Variants in NEGR1 observed in about 807,000 individuals in gnomAD.
NEGR1 encodes the protein neuronal growth regulator 1, also known as IgLON family member 4.
In NEGR1, 10 loss-of-function variants were observed where a neutral mutation model predicts 40.9. The ratio of observed to expected loss-of-function variants is 0.24; its 90% CI spans 0.15 to 0.42. NEGR1 has a LOEUF of 0.42. NEGR1 is among the 10% of genes least tolerant of loss of function. The probability of loss-of-function intolerance (pLI) is 1.00; values close to 1 mark genes in which losing one functional copy is unlikely to be tolerated. For missense variants in NEGR1, 352 were observed against 438.9 expected (o/e 0.80, Z 1.77); for synonymous variants, 185 against 166.8 (o/e 1.11, Z -0.84).
At chr1:71,959,554 G>A (rs1485958749) in intron 1 of NEGR1, among the ~76,000 whole-genome samples, 4 of 151,866 alleles carry the variant, frequency 2.6e-5, no homozygotes, top group African/African-American at 9.7e-5. Flanking sequence ...GACATACTAG[G>A]TATAATTTTC....
At chr1:71,973,101 T>C (rs896639437) in intron 1 of NEGR1, among the ~76,000 whole-genome samples, 2 of 152,040 alleles carry the variant, frequency 1.3e-5, no homozygotes, top group African/African-American at 2.4e-5. Context: ...ATTTTAATTA[T>C]ACTAATTAAT....
At chr1:71,932,527 T>C (rs1007145405) in intron 2 of NEGR1, among the ~76,000 whole-genome samples, 92 of 152,218 alleles carry the variant, frequency 6.0e-4, no homozygotes, top group African/African-American at 2.2e-3. Flanking sequence ...AAGAAATCAA[T>C]AGCACTAATA....
chr1:71,710,472 A>G (rs1654042548), intron 3 of NEGR1, among the ~76,000 whole-genome samples: 1 of 152,224 alleles, frequency 6.6e-6, no homozygotes. Context: ...TTGGAAGCAA[A>G]CTAAGTGTCC....
intron 1 of NEGR1, among the ~76,000 whole-genome samples, chr1:72,062,393 A>G (rs1306095288): frequency 6.6e-6 from 1 of 151,942 alleles, no homozygotes; most frequent in Non-Finnish European, 1.5e-5. Flanking sequence ...CACACACAAT[A>G]TTAGCAATAT....
intron 4 of NEGR1, among the ~76,000 whole-genome samples, chr1:71,625,037 A>G (rs988231813): frequency 6.6e-6 from 1 of 152,036 alleles, no homozygotes; most frequent in African/African-American, 2.4e-5. Context: ...TTTAAAGAAT[A>G]AAGTAATCAT....
intron 1 of NEGR1, among the ~76,000 whole-genome samples, chr1:72,268,583 T>C (rs866733026): frequency 2.4e-4 from 37 of 151,330 alleles, no homozygotes; most frequent in African/African-American, 7.0e-4. Context: ...AATGCTGAAA[T>C]TGGGTGAATG....
chr1:71,401,048 G>A lies in NEGR1; in HGVS notation c.*6398C>T, dbSNP rs1393985038. The A allele has an allele frequency of 1.3e-5, 2 of 152,054 alleles. No individual in the cohort carries two copies. The highest frequency in any genetic ancestry group is 4.8e-5 in the African/African-American group (2 of 41,428). The allele number at this position is 152,054 out of a possible 1,614,324, so 9.4% of individuals were successfully genotyped here. A position where few individuals can be genotyped will look rare whatever the true frequency, so the allele number is the denominator to read the frequency against. On this transcript the variant is annotated 3_prime_UTR_variant, in exon 7 of 7. Coordinates refer to ENST00000357731, the MANE Select transcript of NEGR1 (RefSeq NM_173808.3). ...ACTCTGAAAAAGAAAAAAAAATTAT[G>A]TCTCTTCATTGCAGAGAAGAATTTT...
intron 1 of NEGR1, among the ~76,000 whole-genome samples, chr1:72,197,762 A>T (rs1441953989): frequency 6.6e-6 from 1 of 152,080 alleles, no homozygotes; most frequent in Non-Finnish European, 1.5e-5. Flanking sequence ...GACCCTAGCA[A>T]AGGAATAAAT....
intron 5 of NEGR1, among the ~76,000 whole-genome samples, chr1:71,597,482 G>C (rs1369236488): frequency 7.4e-6 from 1 of 135,670 alleles, no homozygotes; most frequent in African/African-American, 2.9e-5. Context: ...CTGTGTGTGT[G>C]TGTGTGTGTG....
intron 1 of NEGR1, among the ~76,000 whole-genome samples, chr1:72,249,803 A>T (rs1008568523): frequency 6.6e-6 from 1 of 152,170 alleles, no homozygotes; most frequent in East Asian, 1.9e-4. Flanking sequence ...TAATACACAT[A>T]TTGCCTGGAA....
chr1:72,242,784 G>A (rs1654787892), intron 1 of NEGR1, among the ~76,000 whole-genome samples: 1 of 151,520 alleles, frequency 6.6e-6, no homozygotes, highest in African/African-American at 2.4e-5. Context: ...AGTACAGATG[G>A]CTTAATCATA....
At chr1:71,608,464 G>T (rs1229865806) in intron 5 of NEGR1, among the ~76,000 whole-genome samples, 1 of 148,672 alleles carries the variant, frequency 6.7e-6, no homozygotes, top group South Asian at 2.1e-4. Context: ...ATTTACTATA[G>T]GCCAAGAAAG....
intron 6 of NEGR1, among the ~76,000 whole-genome samples, chr1:71,472,289 C>T (rs17091252): frequency 6.6e-6 from 1 of 152,054 alleles, no homozygotes; most frequent in Non-Finnish European, 1.5e-5. Context: ...GACTGGCTAT[C>T]ATTTTTTCCT....
At chr1:72,209,639 T>C (rs1039113478) in intron 1 of NEGR1, among the ~76,000 whole-genome samples, 10 of 151,918 alleles carry the variant, frequency 6.6e-5, no homozygotes, top group Non-Finnish European at 1.0e-4. Flanking sequence ...ATTTCTATGA[T>C]AATTATATGT....
intron 4 of NEGR1, among the ~76,000 whole-genome samples, chr1:71,617,901 A>G (rs1650496184): frequency 6.6e-6 from 1 of 152,178 alleles, no homozygotes; most frequent in Non-Finnish European, 1.5e-5. Flanking sequence ...TTTTAGAAAC[A>G]CAGTCACCAA....
chr1:72,100,502 T>C (rs1277981108), intron 1 of NEGR1, among the ~76,000 whole-genome samples: 1 of 152,226 alleles, frequency 6.6e-6, no homozygotes, highest in Non-Finnish European at 1.5e-5. Flanking sequence ...AGAACATAGA[T>C]GTTTTAGTAC....
At chr1:71,688,869 A>C (rs1457230256) in intron 4 of NEGR1, among the ~76,000 whole-genome samples, 1 of 152,160 alleles carries the variant, frequency 6.6e-6, no homozygotes, top group Non-Finnish European at 1.5e-5. Flanking sequence ...GCTCACAACC[A>C]ATCTTTAAGG....
At chr1:71,505,063 T>A (rs757443989) in intron 6 of NEGR1, among the ~76,000 whole-genome samples, 11 of 152,116 alleles carry the variant, frequency 7.2e-5, no homozygotes, top group Non-Finnish European at 1.6e-4. Context: ...AAAAACGATA[T>A]TGCATTTCTA....
chr1:71,709,254 CG>C (rs1242324813), intron 3 of NEGR1, among the ~76,000 whole-genome samples: 3 of 152,118 alleles, frequency 2.0e-5, no homozygotes, highest in Non-Finnish European at 4.4e-5. Flanking sequence ...GAATTCTCTG[CG>C]GAGAATTTTG....
Sources: allele counts gnomAD v4.1 joint callset (sites outside exome capture counted in the v4.1 genomes callset), GRCh38; gene constraint gnomAD v4.1.1; transcripts MANE v1.5; gene names NCBI Gene and HGNC (gene_info 2026-07-23, HGNC 2026-07-21).